The following IL6ST variants were observed in gnomAD, a reference collection of about 807,000 sequenced individuals.
The protein encoded by IL6ST is interleukin 6 cytokine family signal transducer, also known as interleukin-6 receptor subunit beta.
A neutral mutation model predicts 91.3 loss-of-function variants in IL6ST; 24 were observed. The ratio of observed to expected loss-of-function variants is 0.26; its 90% CI spans 0.19 to 0.37. The LOEUF (loss-of-function observed/expected upper bound fraction) is 0.37, where lower values mean the gene tolerates loss of function less well. Ranked by LOEUF, IL6ST falls within the 10% of genes least tolerant of loss-of-function variation. The pLI is 1.00. For synonymous variants in IL6ST, 351 were observed against 373.6 expected (o/e 0.94, Z 0.70); for missense variants, 914 against 1,078.5 (o/e 0.85, Z 2.14).
chr5:55,975,148 G>A (rs1396555157), intron 3 of IL6ST, among the ~76,000 whole-genome samples: 2 of 152,040 alleles, frequency 1.3e-5, no homozygotes, highest in African/African-American at 4.8e-5. Context: ...TTGAATCTGT[G>A]TCCCCACCCA....
intron 15 of IL6ST, chr5:55,944,760 C>G (rs1012429895): frequency 1.1e-6 from 1 of 931,578 alleles, no homozygotes; most frequent in African/African-American, 1.6e-5. Flanking sequence ...ACCGTGGAGG[C>G]CACAGGAGCA....
intron 16 of IL6ST, 111 bp from the exon 17 acceptor site, chr5:55,941,930 G>A (rs1174391250): frequency 1.2e-6 from 1 of 854,398 alleles, no homozygotes; most frequent in African/African-American, 1.7e-5. Context: ...CCTGTATTAT[G>A]TCACTAAGTC....
chr5:55,984,445 T>C lies in IL6ST; in HGVS notation c.-103-1634A>G, dbSNP rs1314813259. ...TTTAGTACAATATGACTGGTGTCTT[T>C]AAAGAGACAGAGCCAGGAAGAATAC... On this transcript the variant is annotated intron_variant, in intron 1 of 16. Coordinates refer to ENST00000381298, the MANE Select transcript of IL6ST (RefSeq NM_002184.4). Among the ~76,000 whole-genome samples the C allele has an allele frequency of 3.3e-5, 5 of 152,280 alleles. No homozygotes were observed. In the South Asian group the frequency reaches 1.0e-3, roughly 32 times the overall value.
chr5:55,975,845 T>C (rs1753256115), intron 3 of IL6ST, among the ~76,000 whole-genome samples: 1 of 151,698 alleles, frequency 6.6e-6, no homozygotes, highest in Non-Finnish European at 1.5e-5. Flanking sequence ...GAGCATGTAG[T>C]ATGAATGACG....
intron 5 of IL6ST, among the ~76,000 whole-genome samples, chr5:55,967,367 T>C (rs1752695867): frequency 9.3e-6 from 1 of 107,728 alleles, no homozygotes; most frequent in Admixed American, 1.0e-4. Context: ...TGTTAAACAA[T>C]GTACAATGTA....
chr5:55,992,224 A>G (rs924747946), intron 1 of IL6ST, among the ~76,000 whole-genome samples: 1 of 152,216 alleles, frequency 6.6e-6, no homozygotes, highest in African/African-American at 2.4e-5. Context: ...TGATATCCTC[A>G]GAATCTACCA....
rs1440793507 is a variant in IL6ST, at chr5:55,939,182, A to G, written c.*1900T>C. 1 of 213,348 alleles carries G rather than the reference A, an allele frequency of 4.7e-6. No homozygotes were observed. The highest frequency in any genetic ancestry group is 9.5e-6 in the Non-Finnish European group (1 of 105,540). The allele number at this position is 213,348 out of a possible 1,614,324, so 13.2% of individuals were successfully genotyped here. Reference sequence around the variant, plus strand: ...CAAGACAAATCCAGCCCAGCCTTTGATGATCAACTTAAAAGCTGGAGATGT... The same window carrying G: ...CAAGACAAATCCAGCCCAGCCTTTGGTGATCAACTTAAAAGCTGGAGATGT... On this transcript the variant is annotated 3_prime_UTR_variant, in exon 17 of 17. Coordinates refer to ENST00000381298, the MANE Select transcript of IL6ST (RefSeq NM_002184.4).
At chr5:55,986,431 C>G (rs1265856121) in intron 1 of IL6ST, among the ~76,000 whole-genome samples, 3 of 152,150 alleles carry the variant, frequency 2.0e-5, no homozygotes, top group Non-Finnish European at 4.4e-5. Flanking sequence ...CATATCCTCT[C>G]CCATTCTTTT....
rs908932065 is a variant in IL6ST, at chr5:55,969,676, T to C, written c.244A>G (p.Ile82Val). 3.1e-6 allele frequency: 5 copies of C among 1,612,568 alleles called. No individual in the cohort carries two copies. Among genetic ancestry groups the C allele is most frequent in the Non-Finnish European group, 4.2e-6 (5 of 1,178,742 alleles). Reference sequence around the variant, plus strand: ...GTGACACTGGATGCTGTTCTGTTTATGATAGTATATTGCTCCTTAGGAATA... The same window carrying C: ...GTGACACTGGATGCTGTTCTGTTTACGATAGTATATTGCTCCTTAGGAATA... ...FTIPKEQYTIINRTASSVTFT... is the reference protein window; with the variant it reads ...FTIPKEQYTIVNRTASSVTFT... Residue 82 changes from isoleucine to valine, a missense_variant, in exon 4 of 17, where the codon ATA (isoleucine) becomes GTA (valine). Ile to Val is a conservative substitution (Grantham distance 29, BLOSUM62 3). Transcript: ENST00000381298.
rs1381604239 is a variant in IL6ST at position 55,981,105 on chromosome 5, A to C, written c.-16+1619T>G. On this transcript the variant is annotated intron_variant, in intron 2 of 16. Transcript: ENST00000381298. The stretch of plus-strand genomic sequence containing the variant: ...AAAGAATTTATGATTACTTCAAAGC[A>C]ATTAGATTTGTTTGAGTAGTACCAT... Among the ~76,000 whole-genome samples, 3 of 152,340 alleles carry C rather than the reference A, an allele frequency of 2.0e-5. No individual in the cohort carries two copies. The East Asian group carries it at 5.8e-4, about 29-fold the overall frequency.
chr5:55,938,786 T>C lies in IL6ST; in HGVS notation c.*2296A>G. ...TAATTTATTTTCTCCTTAGGGCAGG[T>C]GTACATTACATATTAGTGCTCAAAT... is the stretch of plus-strand genomic sequence containing the variant. On this transcript the variant is annotated 3_prime_UTR_variant, in exon 17 of 17. Coordinates refer to ENST00000381298, the MANE Select transcript of IL6ST (RefSeq NM_002184.4). 4.9e-6 allele frequency: 1 copy of C among 202,728 alleles called. No individual in the cohort carries two copies. The highest frequency in any genetic ancestry group is 7.6e-5 in the East Asian group (1 of 13,084). 12.6% of individuals were successfully genotyped at this position (202,728 alleles called of 1,614,324 possible).
intron 8 of IL6ST, chr5:55,959,678 GA>G (rs780749233): frequency 4.9e-5 from 63 of 1,273,520 alleles, no homozygotes; most frequent in Non-Finnish European, 5.5e-5. Context: ...AGTGCTATTA[GA>G]AAAAAAATGA....
Position 55,952,317 on chromosome 5 carries a change from T to A in IL6ST, c.1485A>T (p.Thr495=), listed in dbSNP as rs777084900. The change falls in exon 12 of 17, where the codon ACA becomes ACT. Residue 495 remains threonine, a synonymous_variant. Transcript: ENST00000381298. ...NLAESKCYLI[T]VTPVYADGPG... ...GTCCATCAGCATATACTGGAGTAAC[T>A]GTTATCAAATAGCATTTGCTCTCTG... is the stretch of plus-strand genomic sequence containing the variant. 1 of 1,603,938 alleles carries A rather than the reference T, an allele frequency of 6.2e-7. No individual in the cohort carries two copies. The highest frequency in any genetic ancestry group is 1.1e-5 in the South Asian group (1 of 89,774).
chr5:55,980,264 T>C (rs976692398), intron 2 of IL6ST, among the ~76,000 whole-genome samples: 1 of 152,142 alleles, frequency 6.6e-6, no homozygotes, highest in African/African-American at 2.4e-5. Context: ...AAATACTTAA[T>C]GTCAGCTAGG....
intron 14 of IL6ST, chr5:55,950,136 AT>A: frequency 2.1e-6 from 1 of 468,744 alleles, no homozygotes; most frequent in Non-Finnish European, 4.3e-6. Flanking sequence ...TTGTAATCAC[AT>A]TTAAATTTAT....
intron 16 of IL6ST, 73 bp from the exon 17 acceptor site, chr5:55,941,892 C>T: frequency 7.9e-7 from 1 of 1,273,786 alleles, no homozygotes; most frequent in South Asian, 1.4e-5. Flanking sequence ...CTGAAACTTC[C>T]CAGTAACTCT....
intron 3 of IL6ST, among the ~76,000 whole-genome samples, chr5:55,974,639 T>G (rs1753167877): frequency 6.6e-6 from 1 of 152,046 alleles, no homozygotes; most frequent in Admixed American, 6.6e-5. Flanking sequence ...CGTGCGGCAC[T>G]ACCGCCTGGC....
At chr5:55,957,323 A>G in intron 8 of IL6ST, 32 bp from the exon 9 acceptor site, 3 of 1,140,806 alleles carry the variant, frequency 2.6e-6, no homozygotes, top group Non-Finnish European at 3.8e-6. Context: ...CTTAAAATAA[A>G]AAGGTTTTAA....
At position 55,937,119 on chromosome 5, in the gene IL6ST, T is replaced by C. The variant is rs1750579541; in HGVS notation, c.*3963A>G. 4.8e-6 allele frequency: 1 copy of C among 207,906 alleles called. No individual in the cohort carries two copies. Among genetic ancestry groups the C allele is most frequent in the South Asian group, 1.9e-4 (1 of 5,292 alleles). The allele number at this position is 207,906 out of a possible 1,614,324, so 12.9% of individuals were successfully genotyped here. A position where few individuals can be genotyped will look rare whatever the true frequency, so the allele number is the denominator to read the frequency against. ...CTGTAGTTATCATTCAAAGCTTGTG[T>C]TCAAGAGATAAAAGAACATCATTCA... is the stretch of plus-strand genomic sequence containing the variant. On this transcript the variant is annotated 3_prime_UTR_variant, in exon 17 of 17. Coordinates refer to ENST00000381298, the MANE Select transcript of IL6ST (RefSeq NM_002184.4).
Sources: allele counts gnomAD v4.1 joint callset (sites outside exome capture counted in the v4.1 genomes callset), GRCh38; gene constraint gnomAD v4.1.1; transcripts MANE v1.5; gene names NCBI Gene and HGNC (gene_info 2026-07-23, HGNC 2026-07-21).